FYN: variants seen among roughly 807,000 people sequenced by gnomAD.
The protein encoded by FYN is FYN proto-oncogene, Src family tyrosine kinase.
In FYN, 10 loss-of-function variants were observed where a neutral mutation model predicts 70.2. The observed-to-expected ratio is 0.14, with a 90% confidence interval of 0.09 to 0.24. The LOEUF (loss-of-function observed/expected upper bound fraction) is 0.24, where lower values mean the gene tolerates loss of function less well. FYN is among the 10% of genes least tolerant of loss of function. The pLI, the probability that FYN is intolerant of heterozygous loss-of-function variation, is 1.00. For missense variants in FYN, 319 were observed against 673.1 expected (o/e 0.47, Z 5.82); for synonymous variants, 236 against 248.6 (o/e 0.95, Z 0.48).
chr6:111,678,541 T>A lies in FYN; in HGVS notation c.1274-3911A>T, dbSNP rs146625940. Among the ~76,000 whole-genome samples, 93 of 152,296 alleles carry A rather than the reference T, an allele frequency of 6.1e-4. 1 individual carries two copies. In the East Asian group the frequency reaches 0.018, roughly 29 times the overall value. On this transcript the variant is annotated intron_variant, in intron 12 of 13. Transcript: ENST00000354650. ...TTCAATCCCATGGCTCCAATGACTA[T>A]CTTGACCCCAATGATGCCTGCATTT...
At chr6:111,839,847 G>A (rs1773301284) in intron 2 of FYN, among the ~76,000 whole-genome samples, 1 of 152,038 alleles carries the variant, frequency 6.6e-6, no homozygotes, top group Non-Finnish European at 1.5e-5. Flanking sequence ...GGAAGGTGTG[G>A]GCTAGTGTAA....
At chr6:111,692,353 G>A (rs1799371842) in intron 12 of FYN, among the ~76,000 whole-genome samples, 1 of 152,190 alleles carries the variant, frequency 6.6e-6, no homozygotes, top group Non-Finnish European at 1.5e-5. Flanking sequence ...GCCGGCAGAA[G>A]GGCAATCAGG....
intron 13 of FYN, among the ~76,000 whole-genome samples, chr6:111,665,995 C>CTTTTTTTT (rs991104460): frequency 1.1e-4 from 10 of 89,048 alleles, no homozygotes; most frequent in Non-Finnish European, 1.5e-4. Context: ...CCTTTTTCTC[C>CTTTTTTTT]TTTTTTTTTT....
intron 13 of FYN, among the ~76,000 whole-genome samples, chr6:111,667,759 GTGTT>G (rs1341114591): frequency 1.3e-5 from 2 of 152,182 alleles, no homozygotes; most frequent in African/African-American, 4.8e-5. Context: ...TGAAAGAAGA[GTGTT>G]TGTGTTTTAT....
At chr6:111,804,665 G>C (rs1772093985) in intron 2 of FYN, among the ~76,000 whole-genome samples, 1 of 152,148 alleles carries the variant, frequency 6.6e-6, no homozygotes, top group Admixed American at 6.5e-5. Context: ...TTGGTAACAA[G>C]GGGATACTTA....
At chr6:111,859,343 A>C (rs1475683318) in intron 1 of FYN, among the ~76,000 whole-genome samples, 3 of 152,202 alleles carry the variant, frequency 2.0e-5, no homozygotes, top group Non-Finnish European at 2.9e-5. Flanking sequence ...GAGTCACAAA[A>C]TTGGGCTAAA....
At chr6:111,784,801 G>C (rs918969907) in intron 2 of FYN, among the ~76,000 whole-genome samples, 1 of 152,190 alleles carries the variant, frequency 6.6e-6, no homozygotes, top group Non-Finnish European at 1.5e-5. Flanking sequence ...AGAGCCAGCT[G>C]GTCTGGGAAA....
At chr6:111,848,497 T>A (rs1229261252) in intron 1 of FYN, among the ~76,000 whole-genome samples, 1 of 152,186 alleles carries the variant, frequency 6.6e-6, no homozygotes, top group African/African-American at 2.4e-5. Flanking sequence ...GTGTTATCCA[T>A]CCATACATAT....
At chr6:111,775,039 G>C (rs112873722) in intron 3 of FYN, among the ~76,000 whole-genome samples, 1 of 152,114 alleles carries the variant, frequency 6.6e-6, no homozygotes, top group African/African-American at 2.4e-5. Flanking sequence ...AAACTTAAAT[G>C]AGCTATGCCT....
At chr6:111,824,113 T>G (rs753134840) in intron 2 of FYN, among the ~76,000 whole-genome samples, 1 of 152,262 alleles carries the variant, frequency 6.6e-6, no homozygotes, top group African/African-American at 2.4e-5. Context: ...ACTGCTCTTC[T>G]GTGAGCACAT....
At chr6:111,853,607 T>G (rs1437847858) in intron 1 of FYN, among the ~76,000 whole-genome samples, 1 of 152,102 alleles carries the variant, frequency 6.6e-6, no homozygotes, top group Non-Finnish European at 1.5e-5. Flanking sequence ...CTCATAGAGA[T>G]TCTTTTAAAT....
chr6:111,770,520 C>T (rs1002338394), intron 3 of FYN, among the ~76,000 whole-genome samples: 3 of 152,168 alleles, frequency 2.0e-5, no homozygotes, highest in Non-Finnish European at 4.4e-5. Context: ...TGCTTGTAGA[C>T]TGAAAACTTT....
intron 13 of FYN, among the ~76,000 whole-genome samples, chr6:111,671,754 G>A (rs1340928134): frequency 1.3e-5 from 2 of 152,124 alleles, no homozygotes; most frequent in Non-Finnish European, 2.9e-5. Flanking sequence ...AATGCAGAGA[G>A]GAAGGTCCTT....
At chr6:111,832,807 A>G (rs1466349418) in intron 2 of FYN, among the ~76,000 whole-genome samples, 2 of 152,170 alleles carry the variant, frequency 1.3e-5, no homozygotes, top group African/African-American at 2.4e-5. Flanking sequence ...TAGTCAATAT[A>G]TAATTAAAAA....
At chr6:111,822,908 G>A (rs1349257581) in intron 2 of FYN, among the ~76,000 whole-genome samples, 3 of 152,082 alleles carry the variant, frequency 2.0e-5, no homozygotes, top group Non-Finnish European at 4.4e-5. Flanking sequence ...TGTCACACAA[G>A]AGAAAGCTCT....
intron 6 of FYN, among the ~76,000 whole-genome samples, chr6:111,706,322 C>T (rs1235663630): frequency 6.6e-6 from 1 of 152,156 alleles, no homozygotes; most frequent in Non-Finnish European, 1.5e-5. Context: ...GTGAAAGAAT[C>T]CAGATTCTAA....
intron 2 of FYN, among the ~76,000 whole-genome samples, chr6:111,787,496 C>T (rs1166439072): frequency 2.0e-5 from 3 of 152,128 alleles, no homozygotes; most frequent in Admixed American, 6.5e-5. Context: ...AGTCAGGTAG[C>T]GTGATGCCTC....
chr6:111,690,823 C>T (rs115539349), intron 12 of FYN, among the ~76,000 whole-genome samples: 173 of 152,274 alleles, frequency 1.1e-3, no homozygotes, highest in African/African-American at 3.9e-3. Context: ...CAGGTGGTAG[C>T]GCTGGATTTC....
Position 111,661,996 on chromosome 6 carries a change from T to C in FYN, c.1406-49A>G. On this transcript the variant is annotated intron_variant, in intron 13 of 13. Coordinates refer to ENST00000354650, the MANE Select transcript of FYN (RefSeq NM_002037.5). This position sits in a 1 kb window ranked among gnomAD's most constrained non-coding sequence, Gnocchi z 4.0. ...GTGGGCACCCCGGGGATCCAGGCCC[T>C]GACCGCCGCACTTGCAGATCCCCTT... 2 of 1,466,062 alleles carry C rather than the reference T, an allele frequency of 1.4e-6. No homozygotes were observed. The highest frequency in any genetic ancestry group is 1.9e-6 in the Non-Finnish European group (2 of 1,077,298). The allele number at this position is 1,466,062 out of a possible 1,614,324, so 90.8% of individuals were successfully genotyped here.
Sources: allele counts gnomAD v4.1 joint callset (sites outside exome capture counted in the v4.1 genomes callset), GRCh38; gene constraint gnomAD v4.1.1; non-coding constraint Gnocchi (gnomAD v3.1); transcripts MANE v1.5; gene names NCBI Gene and HGNC (gene_info 2026-07-23, HGNC 2026-07-21).